LCORL: variants seen among roughly 807,000 people sequenced by gnomAD.
The protein encoded by LCORL is ligand dependent nuclear receptor corepressor like, also known as ligand-dependent nuclear receptor corepressor-like protein.
LCORL carries 41 observed loss-of-function variants against 141.8 expected under a neutral mutation model. The ratio of observed to expected loss-of-function variants is 0.29; its 90% CI spans 0.23 to 0.38. LCORL has a LOEUF of 0.38. LCORL is among the 10% of genes least tolerant of loss of function. The pLI, the probability that LCORL is intolerant of heterozygous loss-of-function variation, is 1.00. For synonymous variants in LCORL, 618 were observed against 694.1 expected (o/e 0.89, Z 1.72); for missense variants, 1,759 against 2,035.0 (o/e 0.86, Z 2.61).
At chr4:17,924,771 C>T (rs527400586) in intron 4 of LCORL, among the ~76,000 whole-genome samples, 2 of 152,268 alleles carry the variant, frequency 1.3e-5, no homozygotes, top group South Asian at 2.1e-4. Context: ...TACCATGTTC[C>T]CCATCATCAT....
intron 4 of LCORL, among the ~76,000 whole-genome samples, chr4:17,936,887 C>T (rs1390140512): frequency 6.6e-6 from 1 of 152,090 alleles, no homozygotes; most frequent in Admixed American, 6.5e-5. Flanking sequence ...GCAGGAAGTT[C>T]CTAATCACCA....
At chr4:17,851,275 T>A (rs573901689) in intron 7 of LCORL, among the ~76,000 whole-genome samples, 1 of 151,806 alleles carries the variant, frequency 6.6e-6, no homozygotes, top group Admixed American at 6.6e-5. Context: ...ACTTAAAGTA[T>A]AATAATAAAA....
intron 4 of LCORL, among the ~76,000 whole-genome samples, chr4:17,914,562 C>T (rs1031391429): frequency 5.9e-5 from 9 of 152,202 alleles, no homozygotes; most frequent in Admixed American, 2.0e-4. Flanking sequence ...GCAAAACAGA[C>T]AGACAGACAA....
At chr4:17,959,687 GT>G (rs1472936265) in intron 4 of LCORL, among the ~76,000 whole-genome samples, 1 of 152,122 alleles carries the variant, frequency 6.6e-6, no homozygotes, top group East Asian at 1.9e-4. Context: ...ATTTCTTTGT[GT>G]TTTAGCAAGA....
At chr4:17,842,048 C>A in exon 8 of LCORL, 1 of 360,720 alleles carries the variant, frequency 2.8e-6, no homozygotes, top group South Asian at 3.2e-5. Flanking sequence ...CTAAAATTTG[C>A]CTTCTTTTAA....
Position 17,893,476 on chromosome 4 carries a change from T to A in LCORL, c.683-7315A>T, listed in dbSNP as rs988778201. The A allele has an allele frequency of 1.0e-5, 10 of 985,220 alleles. No homozygotes were observed. In the African/African-American group the frequency reaches 1.6e-4, roughly 15 times the overall value. The allele number at this position is 985,220 out of a possible 1,614,324, so 61.0% of individuals were successfully genotyped here. The stretch of plus-strand genomic sequence containing the variant: ...CAGTTTACAGAGGATATATATCTCA[T>A]GTGGTAGGTCAGTGGGGCTGAGCAC... On this transcript the variant is annotated intron_variant, in intron 5 of 7. Transcript: ENST00000635767.
At chr4:17,882,323 A>G (rs1727681446) in intron 6 of LCORL, 1 of 984,684 alleles carries the variant, frequency 1.0e-6, no homozygotes, top group Middle Eastern at 5.2e-4. Flanking sequence ...GAAAGGGGGC[A>G]CTCAGAGAAT....
intron 1 of LCORL, among the ~76,000 whole-genome samples, chr4:18,012,314 C>T (rs558011499): frequency 1.2e-4 from 19 of 152,196 alleles, no homozygotes; most frequent in Admixed American, 1.0e-3. Flanking sequence ...TATTTTAAGA[C>T]GCCTGCAGCT....
intron 4 of LCORL, among the ~76,000 whole-genome samples, chr4:17,930,331 C>T (rs768194386): frequency 9.9e-4 from 151 of 152,272 alleles, no homozygotes; most frequent in Admixed American, 8.4e-3. Flanking sequence ...AGTGAGACTC[C>T]GTTTCCACAC....
intron 1 of LCORL, among the ~76,000 whole-genome samples, chr4:17,994,681 G>T (rs775050589): frequency 5.3e-5 from 8 of 151,768 alleles, no homozygotes; most frequent in African/African-American, 9.7e-5. Flanking sequence ...ATTTAACAAA[G>T]ATTTCCCTGT....
intron 4 of LCORL, among the ~76,000 whole-genome samples, chr4:17,922,450 A>G (rs1015067457): frequency 1.3e-5 from 2 of 152,190 alleles, no homozygotes; most frequent in Non-Finnish European, 2.9e-5. Flanking sequence ...GACCATATGT[A>G]AAGAACCAAG....
intron 4 of LCORL, among the ~76,000 whole-genome samples, chr4:17,944,826 T>A (rs992804098): frequency 6.6e-6 from 1 of 152,166 alleles, no homozygotes; most frequent in African/African-American, 2.4e-5. Flanking sequence ...AATAAAATAC[T>A]TTAGACTGGA....
chr4:17,883,667 C>T (rs977192501), intron 6 of LCORL: 2 of 1,403,716 alleles, frequency 1.4e-6, no homozygotes, highest in African/African-American at 3.6e-5. Context: ...CATACACACA[C>T]ACGCAAACAC....
chr4:17,854,694 C>A (rs1043135914), intron 7 of LCORL, among the ~76,000 whole-genome samples: 2 of 151,394 alleles, frequency 1.3e-5, no homozygotes, highest in Non-Finnish European at 3.0e-5. Context: ...TAAAAAAAAA[C>A]AAAAACAAAA....
At chr4:17,902,052 G>T (rs1217278088) in intron 5 of LCORL, among the ~76,000 whole-genome samples, 3 of 152,080 alleles carry the variant, frequency 2.0e-5, no homozygotes, top group Admixed American at 1.3e-4. Flanking sequence ...AAACTGGTTG[G>T]GGGTAGAAGG....
In LCORL at chr4:17,920,457, T is replaced by C. The variant is rs539749888; in HGVS notation, c.431-11112A>G. On this transcript the variant is annotated intron_variant, in intron 4 of 7. Transcript: ENST00000635767. ...TTGCTGGTGGAGGGCTTTGCCTCAA[T>C]GTTGACACCTGCTGAATGCTCAGGG... 1.6e-4 allele frequency among the ~76,000 whole-genome samples: 24 copies of C among 152,324 alleles called. 1 individual carries two copies. In the South Asian group the frequency reaches 4.6e-3, roughly 29 times the overall value.
At chr4:17,954,995 A>G (rs189829705) in intron 4 of LCORL, among the ~76,000 whole-genome samples, 26 of 152,306 alleles carry the variant, frequency 1.7e-4, no homozygotes, top group Admixed American at 1.7e-3. Context: ...TAGATTGAAT[A>G]TGTAGTTATT....
intron 2 of LCORL, 66 bp downstream of exon 2, chr4:17,972,751 GAAC>G (rs1265331114): frequency 2.3e-5 from 15 of 656,438 alleles, no homozygotes; most frequent in Middle Eastern, 4.4e-4. Context: ...AGTTAGTATA[GAAC>G]AACAATTTTT....
At chr4:17,938,006 T>TC (rs1232902286) in intron 4 of LCORL, among the ~76,000 whole-genome samples, 2 of 149,096 alleles carry the variant, frequency 1.3e-5, no homozygotes, top group East Asian at 3.9e-4. Flanking sequence ...ACAATTTCTT[T>TC]TTTTTTTTTT....
Sources: allele counts gnomAD v4.1 joint callset (sites outside exome capture counted in the v4.1 genomes callset), GRCh38; gene constraint gnomAD v4.1.1; transcripts MANE v1.5; gene names NCBI Gene and HGNC (gene_info 2026-07-23, HGNC 2026-07-21).